Variants in PCDH11X observed in about 807,000 individuals in gnomAD.
PCDH11X encodes the protein protocadherin-11 X-linked.
PCDH11X carries 18 observed loss-of-function variants against 53.3 expected under a neutral mutation model. The ratio of observed to expected loss-of-function variants is 0.34; its 90% CI spans 0.23 to 0.50. The LOEUF is 0.50. Ranked by LOEUF, PCDH11X falls within the 20% of genes least tolerant of loss-of-function variation. PCDH11X has a pLI of 0.98. For synonymous variants in PCDH11X, 279 were observed against 393.3 expected (o/e 0.71, Z 3.44); for missense variants, 570 against 1,032.4 (o/e 0.55, Z 6.14).
chrX:92,490,369 G>A (rs1336069489), intron 10 of PCDH11X, among the ~76,000 whole-genome samples: 13 of 111,411 alleles, frequency 1.2e-4, no homozygotes, highest in African/African-American at 1.3e-4. Flanking sequence ...CATATTCTGC[G>A]CTATTTTTCT....
At chrX:92,121,950 C>T (rs2064774438) in intron 6 of PCDH11X, among the ~76,000 whole-genome samples, 1 of 105,022 alleles carries the variant, frequency 9.5e-6, no homozygotes, top group African/African-American at 3.5e-5. Flanking sequence ...AGCAAGACTC[C>T]CTTTCAAAGA....
chrX:91,821,150 A>C (rs1475722604), intron 4 of PCDH11X, among the ~76,000 whole-genome samples: 3 of 107,180 alleles, frequency 2.8e-5, no homozygotes, highest in Non-Finnish European at 5.7e-5. Context: ...TGACTTGGCG[A>C]TGCGGGCTCT....
chrX:92,195,859 G>T (rs1050058047), intron 6 of PCDH11X, among the ~76,000 whole-genome samples: 1 of 111,949 alleles, frequency 8.9e-6, no homozygotes, highest in Non-Finnish European at 1.9e-5. Flanking sequence ...GATTCACAAT[G>T]TCTTGTCTGT....
At chrX:92,116,274 C>A (rs187417091) in intron 6 of PCDH11X, among the ~76,000 whole-genome samples, 5,585 of 111,367 alleles carry the variant, frequency 0.05, 316 homozygotes, top group African/African-American at 0.16. Context: ...TATTAAATAG[C>A]CTATAATATT....
chrX:92,051,566 G>C (rs2063367408), intron 6 of PCDH11X, among the ~76,000 whole-genome samples: 1 of 111,436 alleles, frequency 9.0e-6, no homozygotes, highest in Non-Finnish European at 1.9e-5. Context: ...TACAGTACTA[G>C]TAACAATATA....
At chrX:91,785,122 C>T (rs1174031572) in intron 1 of PCDH11X, among the ~76,000 whole-genome samples, 1 of 105,211 alleles carries the variant, frequency 9.5e-6, no homozygotes, top group Non-Finnish European at 2.0e-5. Flanking sequence ...CACTGTTTCG[C>T]TGCATCCCAT....
intron 6 of PCDH11X, among the ~76,000 whole-genome samples, chrX:91,970,049 G>T (rs1410456277): frequency 9.0e-6 from 1 of 111,106 alleles, no homozygotes; most frequent in Non-Finnish European, 1.9e-5. Flanking sequence ...GACCATCACA[G>T]TGAGTGTTAC....
At position 91,841,733 on chromosome X, in the gene PCDH11X, A is replaced by C. The variant is rs746510778; in HGVS notation, c.540+5689A>C. Among the ~76,000 whole-genome samples the C allele has an allele frequency of 2.7e-5, 3 of 109,453 alleles. No individual in the cohort carries two copies. The South Asian group carries it at 1.2e-3, about 43-fold the overall frequency. ...ATGCTAATAATCTAAGATTATAAAT[A>C]TCCCAATGTGGGTAGTTTTCTTGGC... On this transcript the variant is annotated intron_variant, in intron 5 of 10. Transcript: ENST00000682573.
At chrX:91,839,745 T>G (rs1311199727) in intron 5 of PCDH11X, among the ~76,000 whole-genome samples, 1 of 111,622 alleles carries the variant, frequency 9.0e-6, no homozygotes, top group African/African-American at 3.2e-5. Flanking sequence ...AATTTTCAAC[T>G]TTTTAATGGA....
At chrX:92,565,511 T>C (rs1307654974) in intron 10 of PCDH11X, among the ~76,000 whole-genome samples, 1 of 91,011 alleles carries the variant, frequency 1.1e-5, no homozygotes, top group African/African-American at 3.9e-5. Context: ...GAGGTCATTA[T>C]GTTAAGTAAA....
chrX:92,582,027 G>C (rs1329611627), intron 10 of PCDH11X, among the ~76,000 whole-genome samples: 1 of 94,864 alleles, frequency 1.1e-5, no homozygotes, highest in Admixed American at 1.2e-4. Flanking sequence ...AAGCAGCAAA[G>C]CATTCAAAAG....
intron 4 of PCDH11X, among the ~76,000 whole-genome samples, chrX:91,826,598 C>A (rs1389263661): frequency 1.4e-5 from 1 of 69,649 alleles, no homozygotes; most frequent in African/African-American, 5.8e-5. Context: ...TTTTTTTCTG[C>A]TCTTCTCCCT....
At position 91,966,112 on chromosome X, in the gene PCDH11X, ATT is replaced by A. The variant is rs1359167363; in HGVS notation, c.3033+86840_3033+86841del. On this transcript the variant is annotated intron_variant, in intron 6 of 10. Coordinates refer to ENST00000682573, the MANE Select transcript of PCDH11X (RefSeq NM_032968.5). ...TGATGAATGAGGGATCTGGCATCTC[ATT>A]ATCTGGATGCCCTGATCTGGTGAGT... 3.6e-5 allele frequency among the ~76,000 whole-genome samples: 4 copies of A among 110,322 alleles called. No homozygotes were observed. The East Asian group carries it at 1.1e-3, about 31-fold the overall frequency.
intron 10 of PCDH11X, among the ~76,000 whole-genome samples, chrX:92,567,077 T>G (rs1293289372): frequency 3.0e-5 from 3 of 99,645 alleles, no homozygotes; most frequent in East Asian, 6.1e-4. Flanking sequence ...AGCTTTGTTC[T>G]TTTTGCTTAG....
At chrX:92,593,789 G>A (rs1925282919) in intron 10 of PCDH11X, among the ~76,000 whole-genome samples, 1 of 108,715 alleles carries the variant, frequency 9.2e-6, no homozygotes, top group African/African-American at 3.4e-5. Context: ...TGAATAACAT[G>A]TTTTTCTTAG....
intron 6 of PCDH11X, among the ~76,000 whole-genome samples, chrX:91,892,709 T>TC (rs1161605514): frequency 9.1e-6 from 1 of 110,310 alleles, no homozygotes; most frequent in Admixed American, 9.7e-5. Flanking sequence ...AACACATTTT[T>TC]TTTTTTTTTT....
At chrX:92,143,886 C>G (rs1269396174) in intron 6 of PCDH11X, among the ~76,000 whole-genome samples, 4 of 111,581 alleles carry the variant, frequency 3.6e-5, no homozygotes, top group Non-Finnish European at 5.6e-5. Context: ...GGAGGCTGTA[C>G]CTTGCAAAGC....
intron 1 of PCDH11X, among the ~76,000 whole-genome samples, chrX:91,785,655 T>C (rs935359200): frequency 1.8e-5 from 2 of 111,137 alleles, no homozygotes; most frequent in Non-Finnish European, 3.8e-5. Flanking sequence ...TTACATGTCA[T>C]TGTCTGAGCA....
chrX:91,930,577 GTTTC>G (rs1406338802), intron 6 of PCDH11X, among the ~76,000 whole-genome samples: 1 of 83,342 alleles, frequency 1.2e-5, no homozygotes, highest in Non-Finnish European at 2.4e-5. Flanking sequence ...TATTATTTTT[GTTTC>G]TTTCTCAGAA....
Sources: gnomAD v4.1 joint callset for allele counts (sites outside exome capture counted in the v4.1 genomes callset) on GRCh38, gnomAD v4.1.1 for gene constraint, MANE v1.5 for transcripts, NCBI Gene and HGNC (gene_info 2026-07-23, HGNC 2026-07-21) for gene names.